ARHGEF4: variants seen among roughly 807,000 people sequenced by gnomAD.
ARHGEF4 encodes APC-stimulated guanine nucleotide exchange factor 1.
Under a neutral mutation model 162.0 loss-of-function variants are expected in ARHGEF4, and 119 were observed. The observed-to-expected ratio is 0.73, with a 90% CI of 0.63 to 0.86. The LOEUF is 0.86. ARHGEF4 is among the 40% of genes least tolerant of loss of function. The pLI is 0.00. For synonymous variants in ARHGEF4, 1,014 were observed against 979.9 expected, an observed-to-expected ratio of 1.03 and a Z score of -0.65; for missense variants, 2,488 against 2,456.0, an observed-to-expected ratio of 1.01 and a Z score of -0.28.
chr2:131,037,232 T>C (rs1474115686), intron 5 of ARHGEF4, among the ~76,000 whole-genome samples: 2 of 152,090 alleles, frequency 1.3e-5, no homozygotes, highest in Non-Finnish European at 2.9e-5. Flanking sequence ...TGGAGCAGGT[T>C]TTACCCCCAG....
At chr2:131,000,076 TAATAA>T (rs576040908) in intron 4 of ARHGEF4, among the ~76,000 whole-genome samples, 266 of 152,388 alleles carry the variant, frequency 1.7e-3, no homozygotes, top group African/African-American at 6.3e-3. Context: ...GGAATTTCCA[TAATAA>T]AATGTTTTCA....
In ARHGEF4 at chr2:130,992,764, A is replaced by C. The variant is rs866687882; in HGVS notation, c.3986-35181A>C. On this transcript the variant is annotated intron_variant, in intron 4 of 13. Coordinates refer to ENST00000409359, the MANE Select transcript of ARHGEF4 (RefSeq NM_001367493.1). Reference sequence around the variant, plus strand: ...AGTATTAAGGATTATTTAGCTGAATAAAGTATTATTCAAGAGTGAGGTTAA... The same window carrying C: ...AGTATTAAGGATTATTTAGCTGAATCAAGTATTATTCAAGAGTGAGGTTAA... Among the ~76,000 whole-genome samples the C allele has an allele frequency of 2.6e-5, 4 of 152,352 alleles. No homozygotes were observed. The South Asian group carries it at 6.2e-4, about 24-fold the overall frequency.
At chr2:131,035,104 CCGCAGCCCCGG>C (rs1690149189) in intron 5 of ARHGEF4, 1 of 1,103,598 alleles carries the variant, frequency 9.1e-7, no homozygotes, top group African/African-American at 1.7e-5. Context: ...GGCGAGGGCC[CCGCAGCCCCGG>C]CGCGGCCCCG....
intron 4 of ARHGEF4, among the ~76,000 whole-genome samples, chr2:131,004,952 A>G (rs568606863): frequency 6.6e-6 from 1 of 152,258 alleles, no homozygotes; most frequent in Non-Finnish European, 1.5e-5. Flanking sequence ...CACACACACC[A>G]GGAGGGTGGG....
chr2:131,039,810 C>A, intron 6 of ARHGEF4: 1 of 1,409,528 alleles, frequency 7.1e-7, no homozygotes, highest in Non-Finnish European at 9.2e-7. Context: ...ATCACACTGA[C>A]GGCGGCTGCG....
At chr2:130,892,874 G>T (rs1679937979) in intron 1 of ARHGEF4, among the ~76,000 whole-genome samples, 1 of 152,142 alleles carries the variant, frequency 6.6e-6, no homozygotes, top group Non-Finnish European at 1.5e-5. Context: ...ACTCTCCCAC[G>T]CCTGGGGTCC....
At chr2:130,977,066 ATGTG>A (rs1685780669) in intron 4 of ARHGEF4, among the ~76,000 whole-genome samples, 1 of 145,650 alleles carries the variant, frequency 6.9e-6, no homozygotes. Flanking sequence ...TGTGTTTTGT[ATGTG>A]TGTTACTGTG....
chr2:130,904,272 A>T (rs114729161), intron 1 of ARHGEF4, among the ~76,000 whole-genome samples: 79 of 152,270 alleles, frequency 5.2e-4, no homozygotes, highest in African/African-American at 1.8e-3. Context: ...TGTCCCATCC[A>T]AATAGAGATT....
chr2:130,915,681 AG>A lies in ARHGEF4; in HGVS notation c.1738del (p.Glu580AsnfsTer55). On this transcript the variant is annotated frameshift_variant, in exon 2 of 14. Coordinates refer to ENST00000409359, the MANE Select transcript of ARHGEF4 (RefSeq NM_001367493.1). LOFTEE classifies it high-confidence loss of function. ...EEAMVLDPNY[R>X]EQALQGLSEF... is the part of the protein sequence containing the mutation. ...AGCCATGGTTCTAGACCCCAACTAC[AG>A]GGAACAGGCTTTGCAAGGTCTTTCA... 2 of 1,550,394 alleles carry A rather than the reference AG, an allele frequency of 1.3e-6. No individual in the cohort carries two copies. Among genetic ancestry groups the A allele is most frequent in the South Asian group, 1.2e-5 (1 of 84,048 alleles).
At chr2:130,976,836 GTA>G (rs1339030280) in intron 4 of ARHGEF4, among the ~76,000 whole-genome samples, 2 of 152,062 alleles carry the variant, frequency 1.3e-5, no homozygotes, top group Non-Finnish European at 2.9e-5. Context: ...TGTGCATTGT[GTA>G]TGTTTGGCGT....
At chr2:131,011,749 C>T (rs1386104994) in intron 4 of ARHGEF4, 2 of 1,062,234 alleles carry the variant, frequency 1.9e-6, no homozygotes, top group Non-Finnish European at 2.8e-6. Context: ...TTTTGACTGT[C>T]ACTCTGAAGC....
intron 4 of ARHGEF4, among the ~76,000 whole-genome samples, chr2:131,005,906 A>T (rs1323609081): frequency 1.3e-5 from 2 of 152,334 alleles, no homozygotes; most frequent in Admixed American, 1.3e-4. Context: ...GGGACTTTGC[A>T]GATAGGACTG....
chr2:131,042,485 T>A (rs948563085), intron 10 of ARHGEF4, among the ~76,000 whole-genome samples: 1 of 134,240 alleles, frequency 7.4e-6, no homozygotes. Flanking sequence ...ATCTGCCACC[T>A]CCTGATCTGT....
chr2:131,021,564 G>T (rs1689137414), intron 4 of ARHGEF4, among the ~76,000 whole-genome samples: 1 of 152,158 alleles, frequency 6.6e-6, no homozygotes, highest in Non-Finnish European at 1.5e-5. Flanking sequence ...CAGGACATAG[G>T]CATGGGCAAG....
intron 1 of ARHGEF4, among the ~76,000 whole-genome samples, chr2:130,884,281 CACAG>C (rs1324472949): frequency 3.3e-5 from 5 of 151,882 alleles, no homozygotes; most frequent in Admixed American, 3.3e-4. Context: ...CATGCATGCA[CACAG>C]ACACACATAG....
intron 4 of ARHGEF4, among the ~76,000 whole-genome samples, chr2:130,972,885 A>G (rs1433261300): frequency 6.6e-6 from 1 of 152,270 alleles, no homozygotes; most frequent in African/African-American, 2.4e-5. Context: ...GATTAAGCTT[A>G]CTTTCAAAGA....
chr2:130,890,026 CCTT>C (rs1488514780), intron 1 of ARHGEF4, among the ~76,000 whole-genome samples: 1 of 152,022 alleles, frequency 6.6e-6, no homozygotes, highest in Non-Finnish European at 1.5e-5. Context: ...ACCTCCACAC[CCTT>C]CTTTGGAGTT....
chr2:130,942,577 G>A (rs781554827), intron 3 of ARHGEF4, among the ~76,000 whole-genome samples: 13 of 152,184 alleles, frequency 8.5e-5, no homozygotes, highest in Non-Finnish European at 1.8e-4. Flanking sequence ...ATAATATGGT[G>A]TAACATACAA....
At chr2:130,877,965 G>A (rs1004804760) in intron 1 of ARHGEF4, among the ~76,000 whole-genome samples, 1 of 152,110 alleles carries the variant, frequency 6.6e-6, no homozygotes, top group Admixed American at 6.6e-5. Context: ...CTTTAGTCTT[G>A]TTTGAGCCTT....
Sources: gnomAD v4.1 joint callset for allele counts (sites outside exome capture counted in the v4.1 genomes callset) on GRCh38, gnomAD v4.1.1 for gene constraint, MANE v1.5 for transcripts, NCBI Gene and HGNC (gene_info 2026-07-23, HGNC 2026-07-21) for gene names.